The following PGBD5 variants were observed in gnomAD, a reference collection of about 807,000 sequenced individuals.
PGBD5 encodes the protein piggyBac transposable element derived 5, also known as piggyBac transposable element-derived protein 5.
A neutral mutation model predicts 47.9 loss-of-function variants in PGBD5; 14 were observed. The ratio of observed to expected loss-of-function variants is 0.29; its 90% CI spans 0.19 to 0.46. The LOEUF (loss-of-function observed/expected upper bound fraction) is 0.46. Ranked by LOEUF, PGBD5 falls within the 20% of genes least tolerant of loss-of-function variation. The probability of loss-of-function intolerance (pLI) is 1.00; values close to 1 mark genes in which losing one functional copy is unlikely to be tolerated. For missense variants in PGBD5, 635 were observed against 716.0 expected (o/e 0.89, Z 1.29); for synonymous variants, 316 against 306.3 (o/e 1.03, Z -0.33).
At chr1:230,325,730 C>T (rs1667105860) in intron 5 of PGBD5, among the ~76,000 whole-genome samples, 1 of 152,106 alleles carries the variant, frequency 6.6e-6, no homozygotes, top group Non-Finnish European at 1.5e-5. Context: ...AAGGGTGCTG[C>T]ATCCGACTGG....
At chr1:230,378,587 C>A (rs1558205132) in intron 1 of PGBD5, among the ~76,000 whole-genome samples, 1 of 151,884 alleles carries the variant, frequency 6.6e-6, no homozygotes, top group Non-Finnish European at 1.5e-5. Flanking sequence ...GAAGGTGCCA[C>A]CTCTCTCTCC....
intron 1 of PGBD5, among the ~76,000 whole-genome samples, chr1:230,405,647 A>G (rs1446161838): frequency 1.3e-5 from 2 of 152,190 alleles, no homozygotes; most frequent in African/African-American, 4.8e-5. Flanking sequence ...AGCTGTATAT[A>G]CCAGTAGCCT....
rs1390527505 is a variant in PGBD5 at position 230,323,624 on chromosome 1, A to G, written c.1380-4T>C. The G allele has an allele frequency of 3.7e-6, 6 of 1,612,056 alleles. No homozygotes were observed. The African/African-American group carries it at 5.3e-5, about 14-fold the overall frequency. Reference sequence around the variant, plus strand: ...TGGTTTATGAGAAATGAAATACCTGAGGACAGAGGGAATAAGAACGGCTGA... The same window carrying G: ...TGGTTTATGAGAAATGAAATACCTGGGGACAGAGGGAATAAGAACGGCTGA... On this transcript the variant is annotated splice_polypyrimidine_tract_variant and splice_region_variant and intron_variant, in intron 6 of 6. Coordinates refer to ENST00000391860, the MANE Select transcript of PGBD5 (RefSeq NM_001258311.2). This position sits in a 1 kb window ranked among gnomAD's most constrained non-coding sequence, Gnocchi z 4.1.
intron 1 of PGBD5, among the ~76,000 whole-genome samples, chr1:230,424,335 G>C (rs1269925581): frequency 6.6e-6 from 1 of 152,186 alleles, no homozygotes; most frequent in Non-Finnish European, 1.5e-5. Context: ...CTTAACTACA[G>C]CCCAAATGCA....
intron 1 of PGBD5, chr1:230,368,038 A>G: frequency 7.3e-7 from 1 of 1,367,924 alleles, no homozygotes; most frequent in South Asian, 1.1e-5. Context: ...ATAGGCAGGA[A>G]TGAATACTCC....
chr1:230,331,499 G>A (rs914408689), intron 5 of PGBD5, among the ~76,000 whole-genome samples: 3 of 152,004 alleles, frequency 2.0e-5, no homozygotes, highest in Admixed American at 6.5e-5. Flanking sequence ...AAATTCCCTC[G>A]TCCTGCACCA....
In PGBD5 at chr1:230,381,072, CACACACA is replaced by C. The variant is rs1656468532; in HGVS notation, c.332-23758_332-23752del. 3.9e-5 allele frequency among the ~76,000 whole-genome samples: 6 copies of C among 152,342 alleles called. No homozygotes were observed. The South Asian group carries it at 1.2e-3, about 32-fold the overall frequency. On this transcript the variant is annotated intron_variant, in intron 1 of 6. Coordinates refer to ENST00000391860, the MANE Select transcript of PGBD5 (RefSeq NM_001258311.2). Reference sequence around the variant, plus strand: ...TGCTTACAGTTTATAAACCTGCTGTCACACACACTTCTGCCCTTCTCCCAGTGAACCT... The same window carrying C: ...TGCTTACAGTTTATAAACCTGCTGTCCTTCTGCCCTTCTCCCAGTGAACCT...
Position 230,316,020 on chromosome 1 carries a change from ATG to A in PGBD5, c.*7403_*7404del, listed in dbSNP as rs1666937575. 7.1e-6 allele frequency: 1 copy of A among 140,974 alleles called. No individual in the cohort carries two copies. The highest frequency in any genetic ancestry group is 2.7e-5 in the African/African-American group (1 of 36,914). The allele number at this position is 140,974 out of a possible 1,614,324, so 8.7% of individuals were successfully genotyped here. A position where few individuals can be genotyped will look rare whatever the true frequency, so the allele number is the denominator to read the frequency against. On this transcript the variant is annotated 3_prime_UTR_variant, in exon 7 of 7. Transcript: ENST00000391860. Reference sequence around the variant, plus strand: ...TAAGTATATGTGTACACATATATGTATGTGTATACATACATAAGTATATGTGT... The same window carrying A: ...TAAGTATATGTGTACACATATATGTATGTATACATACATAAGTATATGTGT...
At chr1:230,417,418 T>C (rs923386615) in intron 1 of PGBD5, among the ~76,000 whole-genome samples, 1 of 152,194 alleles carries the variant, frequency 6.6e-6, no homozygotes, top group African/African-American at 2.4e-5. Flanking sequence ...AACCTGGAGT[T>C]TGGATTCTAG....
At chr1:230,418,063 T>C (rs1177878036) in intron 1 of PGBD5, among the ~76,000 whole-genome samples, 2 of 152,192 alleles carry the variant, frequency 1.3e-5, no homozygotes, top group Non-Finnish European at 2.9e-5. Flanking sequence ...CCTGGGATGC[T>C]GCTGAACGTC....
At chr1:230,375,081 T>C (rs1292307288) in intron 1 of PGBD5, among the ~76,000 whole-genome samples, 4 of 152,150 alleles carry the variant, frequency 2.6e-5, no homozygotes, top group African/African-American at 9.7e-5. Flanking sequence ...CTGACCTAAG[T>C]TTCCAAGGAG....
intron 1 of PGBD5, among the ~76,000 whole-genome samples, chr1:230,365,719 C>T (rs2632576): frequency 0.63 from 96,360 of 152,054 alleles, 31,886 homozygotes; most frequent in Non-Finnish European, 0.74. Flanking sequence ...CACTGCCACA[C>T]GCTCGGCTCG....
rs538349613 is a variant in PGBD5, at chr1:230,368,148, C to T, written c.332-10827G>A. The T allele has an allele frequency of 4.6e-5, 63 of 1,367,388 alleles. 1 individual carries two copies. The South Asian group carries it at 5.5e-4, about 12-fold the overall frequency. 84.7% of individuals were successfully genotyped at this position (1,367,388 alleles called of 1,614,324 possible). A position where few individuals can be genotyped will look rare whatever the true frequency, so the allele number is the denominator to read the frequency against. ...GATGGTGGTGGTGAGGAGGAGGCTG[C>T]GGAGGAGGAATAAGGTGGAGGAGAG... On this transcript the variant is annotated intron_variant, in intron 1 of 6. Coordinates refer to ENST00000391860, the MANE Select transcript of PGBD5 (RefSeq NM_001258311.2).
At chr1:230,393,336 T>C (rs927984935) in intron 1 of PGBD5, among the ~76,000 whole-genome samples, 1 of 149,926 alleles carries the variant, frequency 6.7e-6, no homozygotes, top group Non-Finnish European at 1.5e-5. Context: ...TCAGGGCCAG[T>C]GCAGCCACTG....
At chr1:230,392,849 T>C (rs270856) in intron 1 of PGBD5, among the ~76,000 whole-genome samples, 76,220 of 151,610 alleles carry the variant, frequency 0.5, 19,811 homozygotes, top group Non-Finnish European at 0.57. Context: ...CAGGCCTGGC[T>C]GACAGCACAC....
chr1:230,373,973 C>T (rs770152973), intron 1 of PGBD5, among the ~76,000 whole-genome samples: 4 of 152,132 alleles, frequency 2.6e-5, no homozygotes, highest in Non-Finnish European at 4.4e-5. Context: ...TGAGCCACCA[C>T]GCCTGGCCAC....
intron 5 of PGBD5, among the ~76,000 whole-genome samples, chr1:230,330,034 C>G (rs1170836593): frequency 6.6e-6 from 1 of 152,038 alleles, no homozygotes; most frequent in African/African-American, 2.4e-5. Context: ...ATACAGAAAA[C>G]AATGTGCTAT....
rs1354166472 is a variant in PGBD5 at position 230,316,089 on chromosome 1, CATACAT to C, written c.*7330_*7335del. On this transcript the variant is annotated 3_prime_UTR_variant, in exon 7 of 7. Transcript: ENST00000391860. Reference sequence around the variant, plus strand: ...GTATACATACATGTTTATGTGTATACATACATATGTTTATGTGTACACATATATCTA... The same window carrying C: ...GTATACATACATGTTTATGTGTATACATGTTTATGTGTACACATATATCTA... 4 of 90,122 alleles carry C rather than the reference CATACAT, an allele frequency of 4.4e-5. No individual in the cohort carries two copies. The highest frequency in any genetic ancestry group is 7.6e-4 in the South Asian group (2 of 2,642). The allele number at this position is 90,122 out of a possible 1,614,324, so 5.6% of individuals were successfully genotyped here. A position where few individuals can be genotyped will look rare whatever the true frequency, so the allele number is the denominator to read the frequency against.
rs191899913 is a variant in PGBD5 at position 230,320,801 on chromosome 1, G to C, written c.*2624C>G. The C allele has an allele frequency of 1.3e-5, 2 of 152,308 alleles. No homozygotes were observed. Among genetic ancestry groups the C allele is most frequent in the East Asian group, 3.9e-4 (2 of 5,186 alleles). 9.4% of individuals were successfully genotyped at this position (152,308 alleles called of 1,614,324 possible). ...TAAGGCAAGGTCCAGGTCCCTGGAGGTTCTGTCAGTCCGTCCTACATGCTA... is the reference window on the plus strand; with the variant it reads ...TAAGGCAAGGTCCAGGTCCCTGGAGCTTCTGTCAGTCCGTCCTACATGCTA... On this transcript the variant is annotated 3_prime_UTR_variant, in exon 7 of 7. Coordinates refer to ENST00000391860, the MANE Select transcript of PGBD5 (RefSeq NM_001258311.2).
Sources: gnomAD v4.1 joint callset for allele counts (sites outside exome capture counted in the v4.1 genomes callset) on GRCh38, gnomAD v4.1.1 for gene constraint, Gnocchi (gnomAD v3.1) non-coding constraint, MANE v1.5 for transcripts, NCBI Gene and HGNC (gene_info 2026-07-23, HGNC 2026-07-21) for gene names.